ITGA9: variants seen among roughly 807,000 people sequenced by gnomAD.
The protein encoded by ITGA9 is integrin subunit alpha 9, also known as integrin alpha-9.
In ITGA9, 56 loss-of-function variants were observed where a neutral mutation model predicts 127.8. That is an observed-to-expected ratio of 0.44 (90% CI 0.35 to 0.55). ITGA9 has a LOEUF of 0.55. ITGA9 is among the 20% of genes least tolerant of loss of function. The pLI is 0.00. For synonymous variants in ITGA9, 508 were observed against 514.5 expected (o/e 0.99, Z 0.17); for missense variants, 1,196 against 1,347.1 (o/e 0.89, Z 1.76).
chr3:37,511,070 G>T (rs370621283), intron 8 of ITGA9, among the ~76,000 whole-genome samples: 1 of 152,124 alleles, frequency 6.6e-6, no homozygotes, highest in Non-Finnish European at 1.5e-5. Flanking sequence ...GAGTCACATA[G>T]ACAGGAGGGT....
intron 18 of ITGA9, among the ~76,000 whole-genome samples, chr3:37,731,695 T>C: frequency 6.6e-6 from 1 of 152,224 alleles, no homozygotes; most frequent in Non-Finnish European, 1.5e-5. Context: ...CTTCCACTTA[T>C]TCCATAATTA....
intron 26 of ITGA9, among the ~76,000 whole-genome samples, chr3:37,787,838 A>C (rs1236629989): frequency 6.6e-6 from 1 of 152,226 alleles, no homozygotes; most frequent in Non-Finnish European, 1.5e-5. Context: ...AAGGAACAGG[A>C]AATGTACTTG....
At chr3:37,619,126 A>G (rs922190351) in intron 15 of ITGA9, among the ~76,000 whole-genome samples, 3 of 152,184 alleles carry the variant, frequency 2.0e-5, no homozygotes, top group Admixed American at 1.3e-4. Context: ...ATAAATTTTA[A>G]AAGGACAAAG....
At chr3:37,583,685 TC>T (rs1699730976) in intron 15 of ITGA9, among the ~76,000 whole-genome samples, 1 of 152,254 alleles carries the variant, frequency 6.6e-6, no homozygotes, top group Admixed American at 6.5e-5. Flanking sequence ...GATTTGTTGA[TC>T]CCTTGGTTTC....
At chr3:37,504,083 G>A (rs574561645) in intron 6 of ITGA9, among the ~76,000 whole-genome samples, 5 of 152,146 alleles carry the variant, frequency 3.3e-5, no homozygotes, top group African/African-American at 4.8e-5. Context: ...TAGCGTCACT[G>A]GGAACTTCTT....
intron 15 of ITGA9, among the ~76,000 whole-genome samples, chr3:37,620,970 G>A (rs1039062797): frequency 2.0e-5 from 3 of 152,300 alleles, no homozygotes; most frequent in African/African-American, 7.2e-5. Flanking sequence ...GTTGGCAGAA[G>A]GCAAATTATA....
intron 15 of ITGA9, among the ~76,000 whole-genome samples, chr3:37,619,953 A>C (rs1700111763): frequency 6.6e-6 from 1 of 151,764 alleles, no homozygotes; most frequent in African/African-American, 2.4e-5. Context: ...ACTCCAACCC[A>C]CTCTGGGTCA....
intron 18 of ITGA9, among the ~76,000 whole-genome samples, chr3:37,726,607 C>A (rs147964480): frequency 6.6e-6 from 1 of 152,318 alleles, no homozygotes; most frequent in African/African-American, 2.4e-5. Context: ...GCCAAGCTTC[C>A]GGGGCTGGGA....
intron 11 of ITGA9, among the ~76,000 whole-genome samples, 168 bp downstream of exon 11, chr3:37,519,522 TA>T (rs1699023592): frequency 6.6e-6 from 1 of 152,190 alleles, no homozygotes; most frequent in South Asian, 2.1e-4. Context: ...TATTAAATAC[TA>T]AAAAAAGCAT....
At chr3:37,656,300 C>T (rs1303982420) in intron 17 of ITGA9, among the ~76,000 whole-genome samples, 8 of 152,150 alleles carry the variant, frequency 5.3e-5, no homozygotes, top group Non-Finnish European at 7.4e-5. Context: ...GCCATTTTCA[C>T]GATATTGATT....
chr3:37,615,141 T>C (rs973534254), intron 15 of ITGA9, among the ~76,000 whole-genome samples: 13 of 152,234 alleles, frequency 8.5e-5, no homozygotes, highest in African/African-American at 2.7e-4. Context: ...ATAGGTCCCA[T>C]CAATACCTAA....
chr3:37,785,177 A>G, intron 26 of ITGA9, 99 bp downstream of exon 26: 1 of 871,200 alleles, frequency 1.1e-6, no homozygotes, highest in Non-Finnish European at 1.9e-6. Context: ...ACAGTCTCTG[A>G]GCCAAGATGT....
Position 37,629,240 on chromosome 3 carries a change from C to T in ITGA9, c.1743C>T (p.Leu581=), listed in dbSNP as rs906257876. ...SPIVFEAAYS[L]SEHVTGEEER... ...TCGTGTTTGAAGCAGCCTACAGCCT[C>T]AGTGAGCATGTGACTGGAGAGGAGG... is the stretch of plus-strand genomic sequence containing the variant. Residue 581 remains leucine, a synonymous_variant, in exon 16 of 28, where the codon CTC becomes CTT. Coordinates refer to ENST00000264741, the MANE Select transcript of ITGA9 (RefSeq NM_002207.3). The surrounding 1 kb of genome is among the most constrained non-coding windows in gnomAD (Gnocchi z 4.5). 97 of 1,613,728 alleles carry T rather than the reference C, an allele frequency of 6.0e-5. 1 individual carries two copies. Among genetic ancestry groups the T allele is most frequent in the Non-Finnish European group, 7.5e-5 (89 of 1,180,010 alleles).
intron 6 of ITGA9, among the ~76,000 whole-genome samples, chr3:37,504,192 G>GA (rs1698817744): frequency 6.6e-6 from 1 of 152,162 alleles, no homozygotes; most frequent in Non-Finnish European, 1.5e-5. Context: ...ACTCTGGGGT[G>GA]TTTGCTCCTG....
chr3:37,526,519 T>G (rs1699094907), intron 13 of ITGA9, among the ~76,000 whole-genome samples: 1 of 152,210 alleles, frequency 6.6e-6, no homozygotes, highest in South Asian at 2.1e-4. Context: ...CACAACACCC[T>G]GGGGACCGGG....
intron 27 of ITGA9, chr3:37,818,191 TAAAAAAAA>T (rs748381488): frequency 1.9e-4 from 6 of 31,970 alleles, no homozygotes; most frequent in Non-Finnish European, 2.6e-4. Context: ...TAAGACTCTC[TAAAAAAAA>T]AAAAAAAAAA....
At chr3:37,453,445 G>A (rs1053567085) in intron 1 of ITGA9, among the ~76,000 whole-genome samples, 1 of 152,180 alleles carries the variant, frequency 6.6e-6, no homozygotes, top group Admixed American at 6.5e-5. Context: ...CCCAACCCCA[G>A]CAGAGAAGCA....
intron 1 of ITGA9, among the ~76,000 whole-genome samples, chr3:37,457,337 G>A (rs140667292): frequency 2.4e-3 from 369 of 152,276 alleles, no homozygotes; most frequent in Non-Finnish European, 4.1e-3. Flanking sequence ...CTCTGATGGG[G>A]GAGAGGCTTG....
At chr3:37,744,064 G>T (rs765008092) in intron 22 of ITGA9, 30 bp downstream of exon 22, 6 of 1,444,376 alleles carry the variant, frequency 4.2e-6, no homozygotes, top group Non-Finnish European at 4.9e-6. Context: ...TCCTCTGTCC[G>T]TGGGGGCTAA....
Sources: gnomAD v4.1 joint callset for allele counts (sites outside exome capture counted in the v4.1 genomes callset) on GRCh38, gnomAD v4.1.1 for gene constraint, Gnocchi (gnomAD v3.1) non-coding constraint, MANE v1.5 for transcripts, NCBI Gene and HGNC (gene_info 2026-07-23, HGNC 2026-07-21) for gene names.